The following SKIL variants were observed in gnomAD, a reference collection of about 807,000 sequenced individuals.
SKIL encodes the protein SKI like proto-oncogene.
A neutral mutation model predicts 69.6 loss-of-function variants in SKIL; 20 were observed. That is an observed-to-expected ratio of 0.29 (90% CI 0.20 to 0.42). SKIL has a LOEUF of 0.42. SKIL is among the 10% of genes least tolerant of loss of function. SKIL has a pLI of 1.00. For missense variants in SKIL, 745 were observed against 783.1 expected (o/e 0.95, Z 0.58); for synonymous variants, 310 against 279.9 (o/e 1.11, Z -1.08).
chr3:170,360,900 T>G lies in SKIL; in HGVS notation c.569T>G (p.Leu190Arg). The change falls in exon 2 of 7, where the codon CTG (leucine) becomes CGG (arginine). Residue 190 changes from leucine to arginine, a missense_variant. By Grantham distance (102) the Leu-to-Arg change is moderately radical. Coordinates refer to ENST00000259119, the MANE Select transcript of SKIL (RefSeq NM_005414.5). Reference sequence around the variant, plus strand: ...CAAATAAATACAGTGTGTGATGAACTGTACATATATTGTTCAAGGTGTACT... The same window carrying G: ...CAAATAAATACAGTGTGTGATGAACGGTACATATATTGTTCAAGGTGTACT... ...LQQINTVCDELYIYCSRCTSD... is the reference protein window; with the variant it reads ...LQQINTVCDERYIYCSRCTSD... The G allele has an allele frequency of 6.2e-7, 1 of 1,614,184 alleles. No homozygotes were observed. Among genetic ancestry groups the G allele is most frequent in the Non-Finnish European group, 8.5e-7 (1 of 1,180,006 alleles).
intron 2 of SKIL, among the ~76,000 whole-genome samples, chr3:170,378,392 G>T (rs1258801058): frequency 6.6e-6 from 1 of 152,132 alleles, no homozygotes; most frequent in Non-Finnish European, 1.5e-5. Flanking sequence ...AGTTTGGATA[G>T]TTTAGAGTTG....
In SKIL at chr3:170,390,334, C is replaced by T. The variant is rs748991366; in HGVS notation, c.1541C>T (p.Ser514Phe). The change falls in exon 5 of 7, where the codon TCT (serine) becomes TTT (phenylalanine). Residue 514 changes from serine (S) to phenylalanine (F), a missense_variant. Ser to Phe is a radical substitution (Grantham distance 155). Coordinates refer to ENST00000259119, the MANE Select transcript of SKIL (RefSeq NM_005414.5). ...ATTGGCCTTGTTGCTGCCGCTTCAT[C>T]TCCGCTTCTTGTGAAAGATGTCATT... is the stretch of plus-strand genomic sequence containing the variant. ...VGIGLVAAAS[S>F]PLLVKDVICE... The T allele has an allele frequency of 1.2e-6, 2 of 1,613,986 alleles. No individual in the cohort carries two copies. The highest frequency in any genetic ancestry group is 2.2e-5 in the East Asian group (1 of 44,872).
chr3:170,358,220 G>A (rs1736037042), intron 1 of SKIL, among the ~76,000 whole-genome samples: 1 of 152,168 alleles, frequency 6.6e-6, no homozygotes, highest in Non-Finnish European at 1.5e-5. Flanking sequence ...GGCTGGCGCG[G>A]GGAGGTGCAG....
intron 4 of SKIL, among the ~76,000 whole-genome samples, chr3:170,388,860 GTATT>G (rs71634466): frequency 2.5e-4 from 28 of 112,106 alleles, no homozygotes; most frequent in Non-Finnish European, 3.4e-4. Context: ...ATTTATTTAT[GTATT>G]TATTTATTTA....
At chr3:170,385,478 C>T (rs191326339) in intron 4 of SKIL, among the ~76,000 whole-genome samples, 144 of 152,148 alleles carry the variant, frequency 9.5e-4, no homozygotes, top group African/African-American at 3.3e-3. Context: ...AGGTATAGAA[C>T]TCAAGGAAGC....
chr3:170,382,566 A>T (rs1459185470), intron 3 of SKIL, among the ~76,000 whole-genome samples: 1 of 150,222 alleles, frequency 6.7e-6, no homozygotes, highest in Non-Finnish European at 1.5e-5. Flanking sequence ...GCCAGCTGTC[A>T]CTCCTGGCTA....
At chr3:170,383,198 G>A (rs543727593) in intron 3 of SKIL, among the ~76,000 whole-genome samples, 7 of 152,218 alleles carry the variant, frequency 4.6e-5, no homozygotes, top group African/African-American at 1.4e-4. Flanking sequence ...TCCAAGTATG[G>A]TGATAAGGGG....
chr3:170,371,546 A>G (rs1736807215), intron 2 of SKIL, among the ~76,000 whole-genome samples: 2 of 152,164 alleles, frequency 1.3e-5, no homozygotes, highest in African/African-American at 4.8e-5. Flanking sequence ...AGTTACTGGA[A>G]TAATACTTTT....
At position 170,360,560 on chromosome 3, in the gene SKIL, C is replaced by G. The variant is rs555345276; in HGVS notation, c.229C>G (p.Pro77Ala). 1.2e-6 allele frequency: 2 copies of G among 1,614,204 alleles called. No homozygotes were observed. Among genetic ancestry groups the G allele is most frequent in the African/African-American group, 1.3e-5 (1 of 75,054 alleles). The change falls in exon 2 of 7, where the codon CCT becomes GCT. Residue 77 changes from proline (P) to alanine (A), a missense_variant. Transcript: ENST00000259119. Reference protein sequence around the residue: ...EHVKRTCTSVPETLHLNPSLK... With the variant: ...EHVKRTCTSVAETLHLNPSLK... ...TGTTAAGCGAACCTGTACTTCTGTT[C>G]CTGAAACTTTGCATTTAAATCCCAG...
In SKIL at chr3:170,388,175, T is replaced by C. The variant is rs570465701; in HGVS notation, c.1430-2048T>C. On this transcript the variant is annotated intron_variant, in intron 4 of 6. Coordinates refer to ENST00000259119, the MANE Select transcript of SKIL (RefSeq NM_005414.5). The stretch of plus-strand genomic sequence containing the variant: ...TTTTGCATATCTTTGTCAACACTTG[T>C]TATTGTTTGTCTTTTGAATATAGCC... 3.8e-4 allele frequency among the ~76,000 whole-genome samples: 58 copies of C among 152,240 alleles called. 1 individual carries two copies. The highest frequency in any genetic ancestry group is 1.3e-3 in the African/African-American group (56 of 41,562).
chr3:170,385,951 C>T (rs1015214910), intron 4 of SKIL, among the ~76,000 whole-genome samples: 1 of 151,838 alleles, frequency 6.6e-6, no homozygotes, highest in African/African-American at 2.4e-5. Context: ...CACCACCACA[C>T]CCCGCTAATT....
chr3:170,379,731 T>C (rs1737230284), intron 2 of SKIL, among the ~76,000 whole-genome samples: 1 of 152,024 alleles, frequency 6.6e-6, no homozygotes, highest in Non-Finnish European at 1.5e-5. Flanking sequence ...GCACCCTCCA[T>C]CTCCTGGGTT....
rs1467366697 is a variant in SKIL, at chr3:170,392,705, TAA to T, written c.*289_*290del. On this transcript the variant is annotated 3_prime_UTR_variant, in exon 7 of 7. Transcript: ENST00000259119. ...TCTGCTTATATTTCTAATGCAAACTTAACAATTGTGTACTTTTTAAAAGCTGC... is the reference window on the plus strand; with the variant it reads ...TCTGCTTATATTTCTAATGCAAACTTCAATTGTGTACTTTTTAAAAGCTGC... The T allele has an allele frequency of 1.6e-5, 3 of 184,330 alleles. No homozygotes were observed. The highest frequency in any genetic ancestry group is 3.3e-5 in the Non-Finnish European group (3 of 89,704). 11.4% of individuals were successfully genotyped at this position (184,330 alleles called of 1,614,324 possible).
Position 170,367,244 on chromosome 3 carries a change from G to T in SKIL, c.1098+5815G>T, listed in dbSNP as rs149634733. On this transcript the variant is annotated intron_variant, in intron 2 of 6. Transcript: ENST00000259119. ...CTGCCTCAGCCCCCTGAGTAGCTGGGACTACAGGTACCCATCACCACGCCT... is the reference window on the plus strand; with the variant it reads ...CTGCCTCAGCCCCCTGAGTAGCTGGTACTACAGGTACCCATCACCACGCCT... Among the ~76,000 whole-genome samples the T allele has an allele frequency of 9.9e-3, 1,504 of 152,000 alleles. 30 individuals are homozygous for T. The highest frequency in any genetic ancestry group is 0.034 in the African/African-American group (1,425 of 41,440).
intron 2 of SKIL, among the ~76,000 whole-genome samples, chr3:170,364,210 C>T (rs1736385968): frequency 6.6e-6 from 1 of 152,056 alleles, no homozygotes; most frequent in African/African-American, 2.4e-5. Context: ...GTCTCTGCCT[C>T]CCAAAATGCT....
intron 4 of SKIL, among the ~76,000 whole-genome samples, chr3:170,390,018 A>G (rs931068424): frequency 1.3e-5 from 2 of 152,192 alleles, no homozygotes; most frequent in Admixed American, 1.3e-4. Context: ...ATGTCTTTCC[A>G]TGTATTTAGG....
chr3:170,380,635 T>TC (rs1251321392), intron 2 of SKIL, among the ~76,000 whole-genome samples: 1 of 150,318 alleles, frequency 6.7e-6, no homozygotes, highest in African/African-American at 2.5e-5. Flanking sequence ...AGAGCGAGAC[T>TC]CCATCTCAAA....
At chr3:170,381,402 A>C in intron 3 of SKIL, 61 bp downstream of exon 3, 1 of 830,054 alleles carries the variant, frequency 1.2e-6, no homozygotes, top group South Asian at 1.3e-5. Flanking sequence ...ACTATATGCC[A>C]TGCACTATTC....
At chr3:170,380,850 A>T (rs1473603908) in intron 2 of SKIL, among the ~76,000 whole-genome samples, 4 of 151,828 alleles carry the variant, frequency 2.6e-5, no homozygotes, top group African/African-American at 9.7e-5. Context: ...ACAGGGTCTC[A>T]CTCTTGCCCA....
Sources: gnomAD v4.1 joint callset for allele counts (sites outside exome capture counted in the v4.1 genomes callset) on GRCh38, gnomAD v4.1.1 for gene constraint, MANE v1.5 for transcripts, NCBI Gene and HGNC (gene_info 2026-07-23, HGNC 2026-07-21) for gene names.